ADAMTSL5: variants seen among roughly 807,000 people sequenced by gnomAD.
The protein encoded by ADAMTSL5 is ADAMTS-like protein 5.
In ADAMTSL5, 53 loss-of-function variants were observed where a neutral mutation model predicts 51.7. That is an observed-to-expected ratio of 1.03 (90% CI 0.82 to 1.29). ADAMTSL5 has a LOEUF of 1.29. ADAMTSL5 is among the 50% of genes most tolerant of loss of function. The pLI is 0.00. For synonymous variants in ADAMTSL5, 285 were observed against 278.7 expected (o/e 1.02, Z -0.23); for missense variants, 770 against 676.2 (o/e 1.14, Z -1.54).
chr19:1,508,593 G>A lies in ADAMTSL5; in HGVS notation c.362-23C>T, dbSNP rs187957632. 5.8e-3 allele frequency: 8,723 copies of A among 1,505,354 alleles called. 35 individuals are homozygous for A. Among genetic ancestry groups the A allele is most frequent in the Non-Finnish European group, 6.8e-3 (7,701 of 1,128,900 alleles). 93.2% of individuals were successfully genotyped at this position (1,505,354 alleles called of 1,614,324 possible). ...GCGCTGAGGGCAGGAGGAGTCGGTG[G>A]GCCGGGGACCCCTGTTCGAGCTCCA... is the stretch of plus-strand genomic sequence containing the variant. On this transcript the variant is annotated intron_variant, in intron 5 of 11. Transcript: ENST00000330475.
rs1287666292 is a variant in ADAMTSL5, at chr19:1,508,091, A to G, written c.508T>C (p.Leu170=). The G allele has an allele frequency of 3.1e-6, 5 of 1,609,744 alleles. No homozygotes were observed. In the South Asian group the frequency reaches 3.3e-5, roughly 11 times the overall value. Residue 170 remains leucine, a synonymous_variant, in exon 7 of 12, where the codon TTG becomes CTG. Coordinates refer to ENST00000330475, the MANE Select transcript of ADAMTSL5 (RefSeq NM_213604.3). Reference sequence around the variant, plus strand: ...TCCTCGAGGGCACCCGAGCCCAACAACCCATCACAGCCGGCGCTCTAAAGG... The same window carrying G: ...TCCTCGAGGGCACCCGAGCCCAACAGCCCATCACAGCCGGCGCTCTAAAGG... ...GRCLSAGCDG[L]LGSGALEDRC...
chr19:1,507,457 C>T, intron 8 of ADAMTSL5, 52 bp from the exon 9 acceptor site: 10 of 1,605,692 alleles, frequency 6.2e-6, no homozygotes, highest in Non-Finnish European at 8.5e-6. Flanking sequence ...CTCCCAGACC[C>T]TGGGGTCCCC....
At chr19:1,508,343 G>C (rs896754356) in intron 6 of ADAMTSL5, 100 bp downstream of exon 6, 2 of 1,366,968 alleles carry the variant, frequency 1.5e-6, no homozygotes, top group Non-Finnish European at 1.9e-6. Flanking sequence ...CCTAGGGAGG[G>C]GGTGGAGGCT....
Position 1,505,358 on chromosome 19 carries a change from G to T in ADAMTSL5, c.*657C>A, listed in dbSNP as rs954457090. 2 of 144,488 alleles carry T rather than the reference G, an allele frequency of 1.4e-5. No homozygotes were observed. Among genetic ancestry groups the T allele is most frequent in the African/African-American group, 2.6e-5 (1 of 39,126 alleles). The allele number at this position is 144,488 out of a possible 1,614,324, so 9.0% of individuals were successfully genotyped here. A position where few individuals can be genotyped will look rare whatever the true frequency, so the allele number is the denominator to read the frequency against. On this transcript the variant is annotated 3_prime_UTR_variant, in exon 12 of 12. Transcript: ENST00000330475. ...ACTTCAGCCTAGGTGACAGAGCAAG[G>T]GTCTACCTCAGAAAAAAAAAAAAAG...
rs149832091 is a variant in ADAMTSL5, at chr19:1,510,411, G to A, written c.209C>T (p.Pro70Leu). Reference sequence around the variant, plus strand: ...GTACTCATGGGAGTCTCCCCAGCACGGTTCTTCCCCAGGAAGCCTGAAGGG... The same window carrying A: ...GTACTCATGGGAGTCTCCCCAGCACAGTTCTTCCCCAGGAAGCCTGAAGGG... ...RRCLRLPGEEPCWGDSHEYRL... is the reference protein window; with the variant it reads ...RRCLRLPGEELCWGDSHEYRL... Residue 70 changes from proline to leucine, a missense_variant, in exon 4 of 12, where the codon CCG becomes CTG. By Grantham distance (98) the Pro-to-Leu change is moderately conservative. Coordinates refer to ENST00000330475, the MANE Select transcript of ADAMTSL5 (RefSeq NM_213604.3). The A allele has an allele frequency of 3.8e-5, 61 of 1,611,848 alleles. No individual in the cohort carries two copies. Among genetic ancestry groups the A allele is most frequent in the Admixed American group, 3.3e-5 (2 of 59,924 alleles).
chr19:1,512,115 C>T (rs1057387483), intron 1 of ADAMTSL5, among the ~76,000 whole-genome samples: 1 of 152,200 alleles, frequency 6.6e-6, no homozygotes, highest in African/African-American at 2.4e-5. Flanking sequence ...GAAGCAGCCG[C>T]CAAGTGAGCC....
Position 1,506,558 on chromosome 19 carries a change from G to C in ADAMTSL5, c.1114+32C>G. The C allele has an allele frequency of 1.9e-6, 3 of 1,603,286 alleles. No homozygotes were observed. In the East Asian group the frequency reaches 6.7e-5, roughly 36 times the overall value. The stretch of plus-strand genomic sequence containing the variant: ...GTCAGGAGGAGGCCAGGTTAGTAGG[G>C]GCTAAGTCAGGGTAGAGGTCGGGGG... On this transcript the variant is annotated intron_variant, in intron 11 of 11. Coordinates refer to ENST00000330475, the MANE Select transcript of ADAMTSL5 (RefSeq NM_213604.3). The surrounding 1 kb of genome is among the most constrained non-coding windows in gnomAD (Gnocchi z 5.6).
chr19:1,508,304 C>T, intron 6 of ADAMTSL5, 139 bp downstream of exon 6: 1 of 1,199,806 alleles, frequency 8.3e-7, no homozygotes, highest in Non-Finnish European at 1.1e-6. Flanking sequence ...GGGGGCAGGG[C>T]CTGGAAGGGG....
At chr19:1,511,483 T>C in intron 1 of ADAMTSL5, 2 of 1,084,824 alleles carry the variant, frequency 1.8e-6, no homozygotes, top group Non-Finnish European at 2.3e-6. Context: ...TACAATATTA[T>C]TGATATGTGT....
Position 1,506,377 on chromosome 19 carries a change from C to G in ADAMTSL5, c.1115-61G>C, listed in dbSNP as rs566299779. On this transcript the variant is annotated intron_variant, in intron 11 of 11. Transcript: ENST00000330475. This position sits in a 1 kb window ranked among gnomAD's most constrained non-coding sequence, Gnocchi z 5.6. ...AACTCTGCGCAAATCTCTACGCCCCCTCCCTTGCCAGAAGAGGGACTGAGG... is the reference window on the plus strand; with the variant it reads ...AACTCTGCGCAAATCTCTACGCCCCGTCCCTTGCCAGAAGAGGGACTGAGG... The G allele has an allele frequency of 4.8e-5, 73 of 1,523,356 alleles. No individual in the cohort carries two copies. The East Asian group carries it at 1.5e-3, about 32-fold the overall frequency. 94.4% of individuals were successfully genotyped at this position (1,523,356 alleles called of 1,614,324 possible).
At position 1,506,709 on chromosome 19, in the gene ADAMTSL5, C is replaced by A. The variant is rs761086074; in HGVS notation, c.1042+30G>T. On this transcript the variant is annotated intron_variant, in intron 10 of 11. Coordinates refer to ENST00000330475, the MANE Select transcript of ADAMTSL5 (RefSeq NM_213604.3). This position sits in a 1 kb window ranked among gnomAD's most constrained non-coding sequence, Gnocchi z 5.6. ...AGGGGCACAGGCCTCAGTCCCCACT[C>A]ATCCCCCACCCTGGCTGTCCCCACC... 1.9e-4 allele frequency: 299 copies of A among 1,547,970 alleles called. No individual in the cohort carries two copies. Among genetic ancestry groups the A allele is most frequent in the Non-Finnish European group, 2.5e-4 (281 of 1,145,512 alleles).
chr19:1,508,115 G>A lies in ADAMTSL5; in HGVS notation c.490-6C>T. 1 of 1,606,004 alleles carries A rather than the reference G, an allele frequency of 6.2e-7. No homozygotes were observed. The highest frequency in any genetic ancestry group is 8.5e-7 in the Non-Finnish European group (1 of 1,176,674). Reference sequence around the variant, plus strand: ...AACCCATCACAGCCGGCGCTCTAAAGGGTGAAGGACAGGCGCGGCGTCACT... The same window carrying A: ...AACCCATCACAGCCGGCGCTCTAAAAGGTGAAGGACAGGCGCGGCGTCACT... On this transcript the variant is annotated splice_region_variant and splice_polypyrimidine_tract_variant and intron_variant, in intron 6 of 11. Coordinates refer to ENST00000330475, the MANE Select transcript of ADAMTSL5 (RefSeq NM_213604.3).
At chr19:1,507,958 A>T in intron 7 of ADAMTSL5, 40 bp downstream of exon 7, 1 of 1,548,342 alleles carries the variant, frequency 6.5e-7, no homozygotes, top group Non-Finnish European at 8.7e-7. Context: ...TAAAGGGCCC[A>T]CTCTGACGTG....
In ADAMTSL5 at chr19:1,506,440, A is replaced by G; in HGVS notation, c.1115-124T>C. 2 of 1,451,390 alleles carry G rather than the reference A, an allele frequency of 1.4e-6. No homozygotes were observed. The highest frequency in any genetic ancestry group is 4.9e-5 in the East Asian group (2 of 40,856). 89.9% of individuals were successfully genotyped at this position (1,451,390 alleles called of 1,614,324 possible). On this transcript the variant is annotated intron_variant, in intron 11 of 11. Coordinates refer to ENST00000330475, the MANE Select transcript of ADAMTSL5 (RefSeq NM_213604.3). The surrounding 1 kb of genome is among the most constrained non-coding windows in gnomAD (Gnocchi z 5.6). ...CTCGGGATCTATAGGGACTAGAGTC[A>G]GGATCACGTCAGGGATCAATGAGGG...
intron 8 of ADAMTSL5, 26 bp from the exon 9 acceptor site, chr19:1,507,431 G>A (rs1275477545): frequency 6.3e-7 from 1 of 1,591,148 alleles, no homozygotes; most frequent in Non-Finnish European, 8.6e-7. Context: ...CAGCCCTCAG[G>A]AACCTGTCGT....
intron 5 of ADAMTSL5, 22 bp downstream of exon 5, chr19:1,510,128 C>G: frequency 6.3e-7 from 1 of 1,581,576 alleles, no homozygotes; most frequent in Non-Finnish European, 8.6e-7. Flanking sequence ...CAATTCTGAC[C>G]ACAGGAGACC....
intron 6 of ADAMTSL5, 49 bp downstream of exon 6, chr19:1,508,394 C>A: frequency 6.8e-7 from 1 of 1,472,790 alleles, no homozygotes; most frequent in South Asian, 1.3e-5. Flanking sequence ...ATGGGTGGGG[C>A]CTGAGTGGGA....
At position 1,508,031 on chromosome 19, in the gene ADAMTSL5, A is replaced by T; in HGVS notation, c.568T>A (p.Cys190Ser). ...CGAAACACGCGCTGCACGAAAAGGCACGAGTCGTTGGCGCCTCCGCAGCGG... is the reference window on the plus strand; with the variant it reads ...CGAAACACGCGCTGCACGAAAAGGCTCGAGTCGTTGGCGCCTCCGCAGCGG... Reference protein sequence around the residue: ...CGRCGGANDSCLFVQRVFRDA... With the variant: ...CGRCGGANDSSLFVQRVFRDA... Residue 190 changes from cysteine (C) to serine (S), a missense_variant, in exon 7 of 12, where the codon TGC becomes AGC. Transcript: ENST00000330475. 6.2e-7 allele frequency: 1 copy of T among 1,607,724 alleles called. No homozygotes were observed. Among genetic ancestry groups the T allele is most frequent in the Non-Finnish European group, 8.5e-7 (1 of 1,177,878 alleles).
At position 1,506,790 on chromosome 19, in the gene ADAMTSL5, G is replaced by T. The variant is rs779014328; in HGVS notation, c.991C>A (p.Pro331Thr). 13 of 1,541,976 alleles carry T rather than the reference G, an allele frequency of 8.4e-6. No individual in the cohort carries two copies. Among genetic ancestry groups the T allele is most frequent in the South Asian group, 1.2e-5 (1 of 83,366 alleles). ...GGGGTGACAGCAGGGGCTGCGGGGG[G>T]CTGAGGCTCCACCCCCCGGGGCTGA... ...QPQPRGVEPQ[P>T]PAAPAVTPAQ... is the part of the protein sequence containing the mutation. Residue 331 changes from proline (P) to threonine (T), a missense_variant, in exon 10 of 12, where the codon CCC becomes ACC. By Grantham distance (38) the Pro-to-Thr change is conservative (BLOSUM62 -1). Coordinates refer to ENST00000330475, the MANE Select transcript of ADAMTSL5 (RefSeq NM_213604.3). This position sits in a 1 kb window ranked among gnomAD's most constrained non-coding sequence, Gnocchi z 5.6.
Sources: allele counts gnomAD v4.1 joint callset (sites outside exome capture counted in the v4.1 genomes callset), GRCh38; gene constraint gnomAD v4.1.1; non-coding constraint Gnocchi (gnomAD v3.1); transcripts MANE v1.5; gene names NCBI Gene and HGNC (gene_info 2026-07-23, HGNC 2026-07-21).